TAF3: variants seen among roughly 807,000 people sequenced by gnomAD.
TAF3 encodes the protein transcription initiation factor TFIID subunit 3.
In TAF3, 7 loss-of-function variants were observed where a neutral mutation model predicts 80.6. That is an observed-to-expected ratio of 0.09 (90% CI 0.05 to 0.16). TAF3 has a LOEUF of 0.16. TAF3 is among the 10% of genes least tolerant of loss of function. The pLI is 1.00. For synonymous variants in TAF3, 444 were observed against 446.1 expected (o/e 1.00, Z 0.06); for missense variants, 921 against 1,140.2 (o/e 0.81, Z 2.77).
intron 2 of TAF3, among the ~76,000 whole-genome samples, chr10:7,832,198 C>G (rs1203345110): frequency 6.6e-6 from 1 of 152,092 alleles, no homozygotes; most frequent in South Asian, 2.1e-4. Flanking sequence ...CCCCACATCC[C>G]CACATCCCCT....
At chr10:7,888,725 A>G (rs1178115352) in intron 2 of TAF3, among the ~76,000 whole-genome samples, 2 of 152,242 alleles carry the variant, frequency 1.3e-5, no homozygotes, top group Non-Finnish European at 2.9e-5. Flanking sequence ...AATGCAAGAC[A>G]GTTGACCAAG....
chr10:8,002,353 T>C (rs987842743), intron 4 of TAF3, among the ~76,000 whole-genome samples: 12 of 152,216 alleles, frequency 7.9e-5, no homozygotes, highest in African/African-American at 2.9e-4. Flanking sequence ...TTATGCTTTT[T>C]GGCGGGAGCT....
intron 3 of TAF3, among the ~76,000 whole-genome samples, chr10:7,974,828 CA>C (rs1230428552): frequency 3.9e-5 from 6 of 152,120 alleles, no homozygotes; most frequent in African/African-American, 1.4e-4. Context: ...GTAATCCCAG[CA>C]CTTTGGGAGG....
At chr10:7,915,875 G>A (rs1837707331) in intron 2 of TAF3, among the ~76,000 whole-genome samples, 1 of 151,834 alleles carries the variant, frequency 6.6e-6, no homozygotes, top group South Asian at 2.1e-4. Context: ...CTACTTGGGA[G>A]GCTGAGGCAG....
intron 2 of TAF3, among the ~76,000 whole-genome samples, chr10:7,884,453 C>A (rs898497255): frequency 2.1e-5 from 3 of 142,124 alleles, no homozygotes; most frequent in Non-Finnish European, 4.5e-5. Context: ...GTGGTGCCAT[C>A]TCGGCTCACT....
rs1282685978 is a variant in TAF3, at chr10:7,818,522, G to C, written c.-188G>C. On this transcript the variant is annotated 5_prime_UTR_variant, in exon 1 of 7. Coordinates refer to ENST00000344293, the MANE Select transcript of TAF3 (RefSeq NM_031923.4). ...GGCCGTCCAGCGGGAGGCGGAGCGA[G>C]TCCAAAATGGCGGCTCTCAGGCTGG... is the stretch of plus-strand genomic sequence containing the variant. The C allele has an allele frequency of 3.7e-6, 2 of 534,520 alleles. No individual in the cohort carries two copies. Among genetic ancestry groups the C allele is most frequent in the African/African-American group, 4.0e-5 (2 of 50,042 alleles). 33.1% of individuals were successfully genotyped at this position (534,520 alleles called of 1,614,324 possible). A position where few individuals can be genotyped will look rare whatever the true frequency, so the allele number is the denominator to read the frequency against.
At chr10:7,889,961 A>G (rs1376564825) in intron 2 of TAF3, among the ~76,000 whole-genome samples, 2 of 152,120 alleles carry the variant, frequency 1.3e-5, no homozygotes, top group Non-Finnish European at 2.9e-5. Flanking sequence ...CCTCTAGTTT[A>G]TCTTCCATCC....
intron 2 of TAF3, among the ~76,000 whole-genome samples, chr10:7,941,851 C>T (rs1837979861): frequency 6.6e-6 from 1 of 152,148 alleles, no homozygotes; most frequent in Non-Finnish European, 1.5e-5. Context: ...AGGGGAGAGA[C>T]ATCCTTGTGT....
chr10:7,942,745 GCA>G (rs201867529), intron 2 of TAF3, among the ~76,000 whole-genome samples: 1,689 of 152,314 alleles, frequency 0.011, 32 homozygotes, highest in African/African-American at 0.038. Flanking sequence ...AGGCGTGTGG[GCA>G]CGGAGTTCTA....
chr10:7,992,499 T>A (rs1027766228), intron 4 of TAF3, among the ~76,000 whole-genome samples: 1 of 152,042 alleles, frequency 6.6e-6, no homozygotes, highest in Non-Finnish European at 1.5e-5. Flanking sequence ...AAGTTCAAGG[T>A]GATTACTCCC....
chr10:8,013,451 C>T (rs148991875), intron 5 of TAF3, among the ~76,000 whole-genome samples: 84 of 152,040 alleles, frequency 5.5e-4, no homozygotes, highest in African/African-American at 1.9e-3. Flanking sequence ...ATATTGTTCA[C>T]AGAGATGATT....
intron 2 of TAF3, among the ~76,000 whole-genome samples, chr10:7,855,834 C>CT (rs1588525763): frequency 6.6e-6 from 1 of 151,962 alleles, no homozygotes; most frequent in East Asian, 1.9e-4. Flanking sequence ...GTAATCCCAG[C>CT]TCTCAGGGAG....
intron 4 of TAF3, among the ~76,000 whole-genome samples, chr10:7,977,711 A>G (rs1329540527): frequency 6.6e-6 from 1 of 152,238 alleles, no homozygotes; most frequent in African/African-American, 2.4e-5. Context: ...CACCATGACA[A>G]AGAACAAAGA....
At chr10:7,952,413 CATAA>C (rs1351132364) in intron 2 of TAF3, among the ~76,000 whole-genome samples, 2 of 152,166 alleles carry the variant, frequency 1.3e-5, no homozygotes, top group Non-Finnish European at 2.9e-5. Context: ...TAAATCATAT[CATAA>C]ATAACCAAAA....
At chr10:8,000,936 C>T (rs1272170214) in intron 4 of TAF3, among the ~76,000 whole-genome samples, 1 of 152,102 alleles carries the variant, frequency 6.6e-6, no homozygotes, top group Non-Finnish European at 1.5e-5. Flanking sequence ...TTACACCTCC[C>T]TTTTTCTTGG....
intron 2 of TAF3, among the ~76,000 whole-genome samples, chr10:7,890,392 T>C (rs1461003980): frequency 6.6e-6 from 1 of 152,352 alleles, no homozygotes; most frequent in East Asian, 1.9e-4. Context: ...AGCTTGTGTT[T>C]GTAGTCTACG....
rs766950049 is a variant in TAF3 at position 7,964,606 on chromosome 10, C to A, written c.1096C>A (p.Pro366Thr). Residue 366 changes from proline to threonine, a missense_variant, in exon 3 of 7, where the codon CCT becomes ACT. By Grantham distance (38) the Pro-to-Thr change is conservative. This residue lies in a region of TAF3 where 743 missense variants were observed against 821.0 expected (regional missense o/e 0.90). Transcript: ENST00000344293. The surrounding 1 kb of genome is among the most constrained non-coding windows in gnomAD (Gnocchi z 4.1). Reference sequence around the variant, plus strand: ...CCAGGTAAAACAAATACAGACACCCCCTGATGCTGGGAAACTGAACAGTGA... The same window carrying A: ...CCAGGTAAAACAAATACAGACACCCACTGATGCTGGGAAACTGAACAGTGA... Reference protein sequence around the residue: ...TIQVKQIQTPPDAGKLNSENQ... With the variant: ...TIQVKQIQTPTDAGKLNSENQ... 4.4e-5 allele frequency: 71 copies of A among 1,614,066 alleles called. 2 individuals carry two copies. The South Asian group carries it at 7.0e-4, about 16-fold the overall frequency.
intron 2 of TAF3, among the ~76,000 whole-genome samples, chr10:7,912,418 G>C (rs1322071133): frequency 2.6e-5 from 4 of 152,156 alleles, no homozygotes; most frequent in Non-Finnish European, 5.9e-5. Context: ...TAGTTTTTAT[G>C]GGTAAGAAAC....
chr10:7,921,678 A>G (rs1310864623), intron 2 of TAF3, among the ~76,000 whole-genome samples: 2 of 152,186 alleles, frequency 1.3e-5, no homozygotes, highest in African/African-American at 4.8e-5. Flanking sequence ...GAAAATGATT[A>G]CTACAGAGAA....
Sources: allele counts gnomAD v4.1 joint callset (sites outside exome capture counted in the v4.1 genomes callset), GRCh38; gene constraint gnomAD v4.1.1; regional missense constraint gnomAD v4.1.1; non-coding constraint Gnocchi (gnomAD v3.1); transcripts MANE v1.5; gene names NCBI Gene and HGNC (gene_info 2026-07-23, HGNC 2026-07-21).